Variants in RNF125 observed in about 807,000 individuals in gnomAD.
RNF125 encodes ring finger protein 125.
RNF125 carries 21 observed loss-of-function variants against 26.0 expected under a neutral mutation model. That is an observed-to-expected ratio of 0.81 (90% CI 0.57 to 1.16). RNF125 has a LOEUF of 1.16. Ranked by LOEUF, RNF125 falls within the 50% of genes most tolerant of loss-of-function variation. The pLI is 0.00. For missense variants in RNF125, 270 were observed against 299.4 expected, an observed-to-expected ratio of 0.90 and a Z score of 0.72; for synonymous variants, 95 against 109.2, an observed-to-expected ratio of 0.87 and a Z score of 0.81.
rs1433807614 is a variant in RNF125, at chr18:32,072,881, C to T, written c.*4497C>T. ...TAAAGATATGGTTCCAGGCAGACCT[C>T]CTTAGAGACCTCCAGGCAGACCTCC... is the stretch of plus-strand genomic sequence containing the variant. On this transcript the variant is annotated 3_prime_UTR_variant, in exon 6 of 6. Transcript: ENST00000217740. The T allele has an allele frequency of 1.3e-5, 2 of 151,994 alleles. No homozygotes were observed. Among genetic ancestry groups the T allele is most frequent in the Non-Finnish European group, 2.9e-5 (2 of 67,934 alleles). The allele number at this position is 151,994 out of a possible 1,614,324, so 9.4% of individuals were successfully genotyped here.
At chr18:32,048,752 G>A (rs1159427424) in intron 4 of RNF125, among the ~76,000 whole-genome samples, 1 of 152,136 alleles carries the variant, frequency 6.6e-6, no homozygotes, top group Non-Finnish European at 1.5e-5. Flanking sequence ...GAGCTTGTTA[G>A]GTGTTGAGGG....
chr18:32,039,556 ATTC>A (rs574094455), intron 2 of RNF125, among the ~76,000 whole-genome samples: 34 of 152,300 alleles, frequency 2.2e-4, no homozygotes, highest in Non-Finnish European at 3.2e-4. Flanking sequence ...AGCTTTTTAC[ATTC>A]TTAATAATAG....
intron 4 of RNF125, among the ~76,000 whole-genome samples, chr18:32,057,847 G>T (rs2039400185): frequency 6.6e-6 from 1 of 152,076 alleles, no homozygotes; most frequent in South Asian, 2.1e-4. Flanking sequence ...GCTGGCCTCT[G>T]CCCCTAGAGT....
At chr18:32,048,523 A>G (rs1598818924) in intron 4 of RNF125, among the ~76,000 whole-genome samples, 2 of 152,178 alleles carry the variant, frequency 1.3e-5, no homozygotes, top group South Asian at 4.2e-4. Flanking sequence ...GATTATCCCC[A>G]TTTTAAAAAT....
At chr18:32,025,868 C>T (rs2039029288) in intron 1 of RNF125, among the ~76,000 whole-genome samples, 1 of 151,596 alleles carries the variant, frequency 6.6e-6, no homozygotes, top group South Asian at 2.1e-4. Context: ...AAGAACAAGT[C>T]TTAGAGGAGC....
the RNF125 span, among the ~76,000 whole-genome samples, chr18:32,081,071 A>G: frequency 6.6e-6 from 1 of 151,720 alleles, no homozygotes; most frequent in South Asian, 2.1e-4. Context: ...CTGTAAGCCT[A>G]TAATCCCAGC....
At chr18:32,088,202 G>GA in the RNF125 span, among the ~76,000 whole-genome samples, 8 of 152,208 alleles carry the variant, frequency 5.3e-5, no homozygotes, top group South Asian at 2.1e-4. Flanking sequence ...GGACAAGGCT[G>GA]AAAAAGACTA....
chr18:32,053,358 G>T (rs2039347116), intron 4 of RNF125, among the ~76,000 whole-genome samples: 2 of 148,056 alleles, frequency 1.4e-5, no homozygotes, highest in Admixed American at 1.3e-4. Flanking sequence ...GTGAAACTCT[G>T]TCTCAAACAA....
the RNF125 span, among the ~76,000 whole-genome samples, chr18:32,087,673 A>C: frequency 1.3e-5 from 2 of 152,120 alleles, no homozygotes; most frequent in Non-Finnish European, 2.9e-5. Context: ...GAACTCCATC[A>C]TGGATGTTAA....
At chr18:32,056,660 A>G (rs1392401612) in intron 4 of RNF125, among the ~76,000 whole-genome samples, 2 of 151,460 alleles carry the variant, frequency 1.3e-5, no homozygotes, top group Admixed American at 1.3e-4. Context: ...AGAAAAAAAG[A>G]TAATAACATT....
At chr18:32,039,472 A>G (rs1483994000) in intron 2 of RNF125, among the ~76,000 whole-genome samples, 3 of 152,096 alleles carry the variant, frequency 2.0e-5, no homozygotes, top group African/African-American at 4.8e-5. Context: ...TGATAAATAT[A>G]TATGTGATAT....
Position 32,042,184 on chromosome 18 carries a change from C to T in RNF125, c.324C>T (p.Cys108=), listed in dbSNP as rs147178607. 606 of 1,611,220 alleles carry T rather than the reference C, an allele frequency of 3.8e-4. 1 individual carries two copies. In the African/African-American group the frequency reaches 7.1e-3, roughly 19 times the overall value. The part of the protein sequence containing the change: ...KNCAECDTLV[C]LSEMRAHIRT... ...TTGAATTTGTTTTTATGTAGGTTTG[C>T]CTCAGTGAAATGAGGGCACATATTC... The change falls in exon 3 of 6, where the codon TGC becomes TGT. Residue 108 remains cysteine (C), a synonymous_variant. Coordinates refer to ENST00000217740, the MANE Select transcript of RNF125 (RefSeq NM_017831.4).
At chr18:32,045,864 T>A in intron 4 of RNF125, 132 bp downstream of exon 4, 1 of 573,578 alleles carries the variant, frequency 1.7e-6, no homozygotes, top group Non-Finnish European at 3.1e-6. Context: ...GGTAACTCTG[T>A]GACTGTTTAC....
chr18:32,028,083 G>A (rs1053729779), intron 1 of RNF125, among the ~76,000 whole-genome samples: 3 of 151,818 alleles, frequency 2.0e-5, no homozygotes, highest in Non-Finnish European at 4.4e-5. Context: ...CGGATCATGA[G>A]GTCAGGAGAT....
intron 4 of RNF125, among the ~76,000 whole-genome samples, chr18:32,054,763 A>C (rs77428981): frequency 1.3e-5 from 2 of 152,168 alleles, no homozygotes; most frequent in African/African-American, 2.4e-5. Context: ...TCTTTTTCCC[A>C]AAAAGGAATT....
chr18:32,024,715 A>G (rs1477681314), intron 1 of RNF125, among the ~76,000 whole-genome samples: 1 of 152,034 alleles, frequency 6.6e-6, no homozygotes, highest in Non-Finnish European at 1.5e-5. Flanking sequence ...AGCTGGGATT[A>G]CAGGCATGAG....
the RNF125 span, among the ~76,000 whole-genome samples, chr18:32,090,358 C>T: frequency 6.6e-6 from 1 of 152,224 alleles, no homozygotes; most frequent in Non-Finnish European, 1.5e-5. Context: ...CTATTAGCTG[C>T]CCCTCTCGTC....
the RNF125 span, among the ~76,000 whole-genome samples, chr18:32,082,325 AACAC>A: frequency 6.6e-6 from 1 of 151,346 alleles, no homozygotes; most frequent in Non-Finnish European, 1.5e-5. Flanking sequence ...TACACACACA[AACAC>A]ACACACACAC....
At chr18:32,032,714 G>A (rs970867359) in intron 1 of RNF125, among the ~76,000 whole-genome samples, 11 of 151,936 alleles carry the variant, frequency 7.2e-5, no homozygotes, top group East Asian at 1.9e-4. Flanking sequence ...GTGGAGGGCC[G>A]GGCTTGGTGG....
Sources: gnomAD v4.1 joint callset for allele counts (sites outside exome capture counted in the v4.1 genomes callset) on GRCh38, gnomAD v4.1.1 for gene constraint, MANE v1.5 for transcripts, NCBI Gene and HGNC (gene_info 2026-07-23, HGNC 2026-07-21) for gene names.